Variants in WNT5A observed in about 807,000 individuals in gnomAD.
WNT5A encodes the protein protein Wnt-5a.
A neutral mutation model predicts 42.1 loss-of-function variants in WNT5A; 9 were observed. That is an observed-to-expected ratio of 0.21 (90% confidence interval 0.13 to 0.37). The LOEUF (loss-of-function observed/expected upper bound fraction) is 0.37, where lower values mean the gene tolerates loss of function less well. Ranked by LOEUF, WNT5A falls within the 10% of genes least tolerant of loss-of-function variation. WNT5A has a pLI of 1.00. For missense variants in WNT5A, 426 were observed against 534.0 expected (o/e 0.80, Z 1.99); for synonymous variants, 210 against 210.0 (o/e 1.00, Z 0.00).
At chr3:55,478,194 T>C (rs1373609756) in intron 3 of WNT5A, among the ~76,000 whole-genome samples, 1 of 152,184 alleles carries the variant, frequency 6.6e-6, no homozygotes, top group Admixed American at 6.5e-5. Context: ...CATTCTCCCA[T>C]TCAGTCAGAG....
At chr3:55,499,389 C>G in the WNT5A span, among the ~76,000 whole-genome samples, 2 of 152,266 alleles carry the variant, frequency 1.3e-5, no homozygotes, top group East Asian at 1.9e-4. Flanking sequence ...TGAGGAGTTT[C>G]TCTTAGAGAC....
chr3:55,476,137 C>T (rs1286857795), intron 3 of WNT5A, among the ~76,000 whole-genome samples: 2 of 152,180 alleles, frequency 1.3e-5, no homozygotes, highest in African/African-American at 2.4e-5. Flanking sequence ...TCAGTCTGAA[C>T]GAGAAGGGTC....
chr3:55,488,003 G>A (rs1278784369), upstream of WNT5A: 1 of 152,236 alleles, frequency 6.6e-6, no homozygotes, highest in East Asian at 1.9e-4. Flanking sequence ...GAAGGGCGAA[G>A]AGCAGCGAGT....
chr3:55,502,523 G>A, the WNT5A span, among the ~76,000 whole-genome samples: 1 of 152,120 alleles, frequency 6.6e-6, no homozygotes, highest in African/African-American at 2.4e-5. Context: ...TAGAGTTTGG[G>A]ACCCAAATCT....
intron 1 of WNT5A, among the ~76,000 whole-genome samples, chr3:55,482,982 T>G (rs2051498325): frequency 6.6e-6 from 1 of 152,160 alleles, no homozygotes; most frequent in Non-Finnish European, 1.5e-5. Flanking sequence ...CGGCCCAGAT[T>G]GGTGCTGGCC....
At chr3:55,487,346 G>T, upstream of WNT5A, 1 of 335,326 alleles carries the variant, frequency 3.0e-6, no homozygotes, top group Non-Finnish European at 5.3e-6. Context: ...CATCAGCGAC[G>T]GCGGTAATTA....
chr3:55,482,726 G>C (rs1164466819), intron 1 of WNT5A, among the ~76,000 whole-genome samples: 2 of 152,178 alleles, frequency 1.3e-5, no homozygotes, highest in African/African-American at 4.8e-5. Flanking sequence ...GGAAATCTGG[G>C]GTTTCCCCAG....
the WNT5A span, among the ~76,000 whole-genome samples, chr3:55,500,248 T>A: frequency 2.0e-5 from 3 of 152,182 alleles, no homozygotes; most frequent in African/African-American, 7.2e-5. Flanking sequence ...TTGGGCTAAA[T>A]CAGTATTGAC....
At chr3:55,488,911 T>G (rs504849), upstream of WNT5A, among the ~76,000 whole-genome samples, 2 of 151,940 alleles carry the variant, frequency 1.3e-5, no homozygotes, top group East Asian at 3.9e-4. Context: ...CTGGGGCTGA[T>G]GGATAGGGTT....
intron 4 of WNT5A, among the ~76,000 whole-genome samples, chr3:55,472,710 C>T (rs1559552968): frequency 6.6e-6 from 1 of 152,148 alleles, no homozygotes; most frequent in Non-Finnish European, 1.5e-5. Context: ...TAGTCCTTCC[C>T]CGGAACACCC....
chr3:55,492,730 C>G (rs2051675159), upstream of WNT5A, among the ~76,000 whole-genome samples: 1 of 152,200 alleles, frequency 6.6e-6, no homozygotes, highest in Non-Finnish European at 1.5e-5. Flanking sequence ...ACTTACTGAG[C>G]TCTATGTGCC....
upstream of WNT5A, among the ~76,000 whole-genome samples, chr3:55,492,227 T>TG (rs1491411723): frequency 9.3e-5 from 4 of 43,038 alleles, no homozygotes; most frequent in African/African-American, 5.5e-4. Flanking sequence ...AATGGTGCTT[T>TG]GTGGCGGGGG....
Position 55,487,143 on chromosome 3 carries a change from A to G in WNT5A, c.-158T>C. ...GGCGGGCGCAGTGAACCGGAGCTGA[A>G]GCGGGCACTGGCGCCCGGGCCTGGA... On this transcript the variant is annotated 5_prime_UTR_variant, in exon 1 of 5. Coordinates refer to ENST00000264634, the MANE Select transcript of WNT5A (RefSeq NM_003392.7). The G allele has an allele frequency of 1.6e-6, 1 of 636,318 alleles. No homozygotes were observed. The highest frequency in any genetic ancestry group is 1.9e-5 in the South Asian group (1 of 51,746). The allele number at this position is 636,318 out of a possible 1,614,324, so 39.4% of individuals were successfully genotyped here. A position where few individuals can be genotyped will look rare whatever the true frequency, so the allele number is the denominator to read the frequency against.
chr3:55,479,416 C>T lies in WNT5A; in HGVS notation c.289G>A (p.Ala97Thr), dbSNP rs763870268. 3.7e-6 allele frequency: 6 copies of T among 1,613,880 alleles called. No individual in the cohort carries two copies. Among genetic ancestry groups the T allele is most frequent in the Admixed American group, 1.7e-5 (1 of 60,002 alleles). ...TGGCATTCTTTGATGCCTGTCTTCG[C>T]GCCTTCTCCGATGTACTGCATGTGG... ...QDHMQYIGEG[A>T]KTGIKECQYQ... Residue 97 changes from alanine (A) to threonine (T), a missense_variant, in exon 3 of 5, where the codon GCG becomes ACG. This residue lies in a region of WNT5A where 358 missense variants were observed against 468.1 expected (regional missense o/e 0.76). Transcript: ENST00000264634.
At chr3:55,496,684 C>T in the WNT5A span, among the ~76,000 whole-genome samples, 3 of 152,272 alleles carry the variant, frequency 2.0e-5, no homozygotes, top group African/African-American at 4.8e-5. Context: ...GGAACATAAG[C>T]GCCTTCCCTC....
chr3:55,503,124 A>T, the WNT5A span, among the ~76,000 whole-genome samples: 1 of 152,192 alleles, frequency 6.6e-6, no homozygotes. Context: ...TACAGCCCCC[A>T]ATATCCAGAT....
chr3:55,497,928 A>T, the WNT5A span, among the ~76,000 whole-genome samples: 1 of 152,222 alleles, frequency 6.6e-6, no homozygotes. Context: ...AAGAGCAGTG[A>T]GAGAGAATTA....
In WNT5A at chr3:55,470,281, C is replaced by T. The variant is rs1559551563; in HGVS notation, c.954G>A (p.Leu318=). The change falls in exon 5 of 5, where the codon CTG becomes CTA. Residue 318 remains leucine, a synonymous_variant. Transcript: ENST00000264634. The stretch of plus-strand genomic sequence containing the variant: ...TGTTGCACAGGCGGCCCTGCGTGCC[C>T]AGCGAGCCGGTGCTCTCATTGCGCA... ...YCVRNESTGS[L]GTQGRLCNKT... 6.2e-7 allele frequency: 1 copy of T among 1,614,014 alleles called. No homozygotes were observed.
chr3:55,480,068 G>C (rs2051429806), intron 2 of WNT5A, among the ~76,000 whole-genome samples: 1 of 152,136 alleles, frequency 6.6e-6, no homozygotes, highest in Admixed American at 6.5e-5. Context: ...CATGTTTCTT[G>C]ACATTTTAAA....
Sources: allele counts gnomAD v4.1 joint callset (sites outside exome capture counted in the v4.1 genomes callset), GRCh38; gene constraint gnomAD v4.1.1; regional missense constraint gnomAD v4.1.1; transcripts MANE v1.5; gene names NCBI Gene and HGNC (gene_info 2026-07-23, HGNC 2026-07-21).